PEAR1: variants seen among roughly 807,000 people sequenced by gnomAD.
PEAR1 encodes the protein platelet endothelial aggregation receptor 1.
PEAR1 carries 113 observed loss-of-function variants against 131.2 expected under a neutral mutation model. The observed-to-expected ratio is 0.86, with a 90% confidence interval of 0.74 to 1.01. The LOEUF (loss-of-function observed/expected upper bound fraction) is 1.01, where lower values mean the gene tolerates loss of function less well. Ranked by LOEUF, PEAR1 falls within the 50% of genes least tolerant of loss-of-function variation. The pLI is 0.00. For missense variants in PEAR1, 1,408 were observed against 1,391.1 expected (o/e 1.01, Z -0.19); for synonymous variants, 565 against 523.3 (o/e 1.08, Z -1.09).
Position 156,910,615 on chromosome 1 carries a change from C to T in PEAR1, c.1826-3C>T. The T allele has an allele frequency of 6.2e-7, 1 of 1,613,942 alleles. No homozygotes were observed. ...CCAATCACCATGTACCCCTTTCCCC[C>T]AGCCTGTCAGCCTGGCCGCTATGGC... On this transcript the variant is annotated splice_region_variant and splice_polypyrimidine_tract_variant and intron_variant, in intron 14 of 22. Coordinates refer to ENST00000292357, the MANE Select transcript of PEAR1 (RefSeq NM_001080471.3).
chr1:156,906,664 A>C lies in PEAR1; in HGVS notation c.428A>C (p.Gln143Pro). The C allele has an allele frequency of 1.2e-6, 2 of 1,614,166 alleles. No individual in the cohort carries two copies. The highest frequency in any genetic ancestry group is 1.7e-6 in the Non-Finnish European group (2 of 1,180,010). Residue 143 changes from glutamine (Q) to proline (P), a missense_variant, in exon 6 of 23, where the codon CAG becomes CCG. Coordinates refer to ENST00000292357, the MANE Select transcript of PEAR1 (RefSeq NM_001080471.3). ...TGTGCCCCAGGAATGTGGGGGCCACAGTGTGACAAGCCCTGCAGCTGCGGC... is the reference window on the plus strand; with the variant it reads ...TGTGCCCCAGGAATGTGGGGGCCACCGTGTGACAAGCCCTGCAGCTGCGGC... ...SECAPGMWGP[Q>P]CDKPCSCGNN...
At chr1:156,912,223 A>G in intron 15 of PEAR1, 24 bp from the exon 16 acceptor site, 1 of 1,595,182 alleles carries the variant, frequency 6.3e-7, no homozygotes, top group Non-Finnish European at 8.5e-7. Flanking sequence ...CTGCCCCACC[A>G]GACAGGCCCC....
chr1:156,901,191 A>C (rs1453764182), intron 1 of PEAR1, among the ~76,000 whole-genome samples: 1 of 151,726 alleles, frequency 6.6e-6, no homozygotes, highest in Non-Finnish European at 1.5e-5. Context: ...CCTCCTCCGC[A>C]CTCTGGCCCT....
rs938349379 is a variant in PEAR1 at position 156,899,356 on chromosome 1, A to T, written c.-9-4562A>T. ...GGTGCTTAGGCCCAGGGCTGGGGGA[A>T]GCAGAATTTAGGCATTCTGCCTTGT... On this transcript the variant is annotated intron_variant, in intron 1 of 22. Transcript: ENST00000292357. 1.1e-4 allele frequency among the ~76,000 whole-genome samples: 16 copies of T among 152,088 alleles called. No homozygotes were observed. The East Asian group carries it at 2.7e-3, about 26-fold the overall frequency.
intron 4 of PEAR1, 84 bp downstream of exon 4, chr1:156,905,508 C>T (rs934480194): frequency 2.4e-6 from 3 of 1,247,300 alleles, no homozygotes; most frequent in East Asian, 2.5e-5. Flanking sequence ...CCTCCCGGCC[C>T]CCGCTAGAAT....
At chr1:156,913,156 A>T in intron 18 of PEAR1, 38 bp from the exon 19 acceptor site, 1 of 1,600,664 alleles carries the variant, frequency 6.2e-7, no homozygotes, top group East Asian at 2.2e-5. Flanking sequence ...ACTCCTGCCC[A>T]TCGCTGAGCT....
rs139535034 is a variant in PEAR1, at chr1:156,913,954, G to T, written c.2816G>T (p.Arg939Leu). The change falls in exon 22 of 23, where the codon CGG becomes CTG. Residue 939 changes from arginine (R) to leucine (L), a missense_variant. Arg to Leu is a moderately radical substitution (Grantham distance 102). Transcript: ENST00000292357. Reference protein sequence around the residue: ...RDLPSLPGGPRESSYMEMKGP... With the variant: ...RDLPSLPGGPLESSYMEMKGP... ...CTGCCCAGCTTGCCAGGGGGCCCCC[G>T]GGAGAGCAGCTACATGGAGATGAAA... 5,397 of 1,613,982 alleles carry T rather than the reference G, an allele frequency of 3.3e-3. 12 individuals carry two copies. The highest frequency in any genetic ancestry group is 4.0e-3 in the Non-Finnish European group (4,667 of 1,179,974).
At chr1:156,901,505 A>G (rs779734928) in intron 1 of PEAR1, among the ~76,000 whole-genome samples, 36 of 152,306 alleles carry the variant, frequency 2.4e-4, no homozygotes, top group Admixed American at 2.2e-3. Flanking sequence ...TTCCTGCAAC[A>G]AGTTTTGTCC....
rs772438455 is a variant in PEAR1 at position 156,912,963 on chromosome 1, C to T, written c.2403C>T (p.Gly801=). 3.7e-6 allele frequency: 6 copies of T among 1,614,110 alleles called. No individual in the cohort carries two copies. The South Asian group carries it at 6.6e-5, about 18-fold the overall frequency. The stretch of plus-strand genomic sequence containing the variant: ...CTTACAGCAGCGGGCGCCTGGACGG[C>T]TCCGAGTATGTCATGCCAGGTGAGC... ...AVAYSSGRLD[G]SEYVMPDVPP... Residue 801 remains glycine (G), a synonymous_variant, in exon 18 of 23, where the codon GGC becomes GGT. Transcript: ENST00000292357.
chr1:156,905,148 GGCTGGAGT>G (rs1650123793), intron 3 of PEAR1, 168 bp from the exon 4 acceptor site: 10 of 1,148,674 alleles, frequency 8.7e-6, no homozygotes, highest in African/African-American at 1.5e-5. Flanking sequence ...CTGTCACCCA[GGCTGGAGT>G]GCAGTGGCGA....
At chr1:156,895,209 C>G (rs950279918) in intron 1 of PEAR1, among the ~76,000 whole-genome samples, 4 of 152,246 alleles carry the variant, frequency 2.6e-5, no homozygotes, top group African/African-American at 7.2e-5. Flanking sequence ...CTCTGTCCCC[C>G]CTCAACATCT....
In PEAR1 at chr1:156,908,281, C is replaced by T. The variant is rs1363306152; in HGVS notation, c.1056C>T (p.Asp352=). 3.2e-6 allele frequency: 5 copies of T among 1,581,870 alleles called. No homozygotes were observed. The highest frequency in any genetic ancestry group is 4.3e-6 in the Non-Finnish European group (5 of 1,168,682). The part of the protein sequence containing the change: ...GDRCTDRLCP[D]GFYGLSCQAP... ...GCTGCACGGATCGCCTCTGCCCCGACGGCTTCTACGGTCTCAGCTGCCAGG... is the reference window on the plus strand; with the variant it reads ...GCTGCACGGATCGCCTCTGCCCCGATGGCTTCTACGGTCTCAGCTGCCAGG... Residue 352 remains aspartate, a synonymous_variant, in exon 9 of 23, where the codon GAC becomes GAT. Coordinates refer to ENST00000292357, the MANE Select transcript of PEAR1 (RefSeq NM_001080471.3). The surrounding 1 kb of genome is among the most constrained non-coding windows in gnomAD (Gnocchi z 4.2).
At chr1:156,900,170 C>A (rs902761931) in intron 1 of PEAR1, among the ~76,000 whole-genome samples, 3 of 152,152 alleles carry the variant, frequency 2.0e-5, no homozygotes, top group African/African-American at 7.2e-5. Flanking sequence ...TGCTGGGCTG[C>A]GCAGGCGGGA....
Position 156,914,000 on chromosome 1 carries a change from C to T in PEAR1, c.2862C>T (p.Pro954=), listed in dbSNP as rs759440515. Residue 954 remains proline, a synonymous_variant, in exon 22 of 23, where the codon CCC becomes CCT. Coordinates refer to ENST00000292357, the MANE Select transcript of PEAR1 (RefSeq NM_001080471.3). ...MEMKGPPSGS[P]PRQPPQFWDS... Reference sequence around the variant, plus strand: ...TGAAAGGCCCTCCCTCAGGATCTCCCCCCAGGCAGCCTCCTCAGTTCTGGG... The same window carrying T: ...TGAAAGGCCCTCCCTCAGGATCTCCTCCCAGGCAGCCTCCTCAGTTCTGGG... 1.2e-6 allele frequency: 2 copies of T among 1,612,982 alleles called. No homozygotes were observed. Among genetic ancestry groups the T allele is most frequent in the Non-Finnish European group, 8.5e-7 (1 of 1,179,558 alleles).
chr1:156,914,803 C>G lies in PEAR1; in HGVS notation c.*5C>G, dbSNP rs747920727. 8 of 1,613,444 alleles carry G rather than the reference C, an allele frequency of 5.0e-6. No individual in the cohort carries two copies. In the South Asian group the frequency reaches 8.8e-5, roughly 18 times the overall value. ...CTTCGACGCCAGGACCGTTGAGGAG[C>G]CAGGATGGTATGGCAGAGGCCAGCA... On this transcript the variant is annotated 3_prime_UTR_variant, in exon 23 of 23. Coordinates refer to ENST00000292357, the MANE Select transcript of PEAR1 (RefSeq NM_001080471.3).
In PEAR1 at chr1:156,905,410, G is replaced by A. The variant is rs1360142588; in HGVS notation, c.293G>A (p.Arg98Lys). 2.5e-6 allele frequency: 4 copies of A among 1,605,360 alleles called. No homozygotes were observed. The highest frequency in any genetic ancestry group is 1.7e-5 in the Admixed American group (1 of 58,846). Residue 98 changes from arginine (R) to lysine (K), a missense_variant, in exon 4 of 23, where the codon AGG becomes AAG. Transcript: ENST00000292357. ...LQCCHGFYES[R>K]GFCVPLCAQE... ...TGCTGCCATGGCTTCTATGAGAGCA[G>A]GGGGTTCTGTGTCCGTGAGTCCAGG...
Position 156,912,975 on chromosome 1 carries a change from C to A in PEAR1, c.2415C>A (p.Val805=). ...GGCGCCTGGACGGCTCCGAGTATGT[C>A]ATGCCAGGTGAGCTGGCACAGGGCC... is the stretch of plus-strand genomic sequence containing the variant. ...SSGRLDGSEY[V]MPDVPPSYSH... Residue 805 remains valine (V), a synonymous_variant, in exon 18 of 23, where the codon GTC becomes GTA. Transcript: ENST00000292357. The A allele has an allele frequency of 6.2e-7, 1 of 1,614,068 alleles. No homozygotes were observed. Among genetic ancestry groups the A allele is most frequent in the South Asian group, 1.1e-5 (1 of 91,046 alleles).
At chr1:156,905,556 C>A in intron 4 of PEAR1, 132 bp downstream of exon 4, 1 of 734,898 alleles carries the variant, frequency 1.4e-6, no homozygotes, top group Non-Finnish European at 2.1e-6. Flanking sequence ...CCCCCCTCCT[C>A]TCCTCTCCCT....
intron 1 of PEAR1, among the ~76,000 whole-genome samples, chr1:156,897,344 A>G (rs1649262004): frequency 6.6e-6 from 1 of 152,230 alleles, no homozygotes; most frequent in Non-Finnish European, 1.5e-5. Context: ...GGAGAGGAAT[A>G]AGATTTGAGG....
Sources: gnomAD v4.1 joint callset for allele counts (sites outside exome capture counted in the v4.1 genomes callset) on GRCh38, gnomAD v4.1.1 for gene constraint, Gnocchi (gnomAD v3.1) non-coding constraint, MANE v1.5 for transcripts, NCBI Gene and HGNC (gene_info 2026-07-23, HGNC 2026-07-21) for gene names.